The following CHST12 variants were observed in gnomAD, a reference collection of about 807,000 sequenced individuals.
CHST12 encodes carbohydrate sulfotransferase 12.
A neutral mutation model predicts 27.9 loss-of-function variants in CHST12; 23 were observed. The observed-to-expected ratio is 0.82, with a 90% CI of 0.59 to 1.17. The LOEUF (loss-of-function observed/expected upper bound fraction) is 1.17. Ranked by LOEUF, CHST12 falls within the 50% of genes most tolerant of loss-of-function variation. CHST12 has a pLI of 0.00. For missense variants in CHST12, 682 were observed against 603.0 expected (o/e 1.13, Z -1.37); for synonymous variants, 322 against 273.0 (o/e 1.18, Z -1.77).
intron 1 of CHST12, among the ~76,000 whole-genome samples, chr7:2,413,262 T>C (rs1781714195): frequency 6.6e-6 from 1 of 152,220 alleles, no homozygotes; most frequent in African/African-American, 2.4e-5. Context: ...TGCACTGGTG[T>C]TTTCTTCTGT....
chr7:2,420,171 C>G (rs1300228724), intron 1 of CHST12, among the ~76,000 whole-genome samples: 1 of 151,548 alleles, frequency 6.6e-6, no homozygotes, highest in African/African-American at 2.4e-5. Context: ...GACGGGGTTT[C>G]ACCGTGTTAG....
At chr7:2,423,610 C>T (rs974772375) in intron 1 of CHST12, among the ~76,000 whole-genome samples, 1 of 152,214 alleles carries the variant, frequency 6.6e-6, no homozygotes, top group Non-Finnish European at 1.5e-5. Flanking sequence ...TGCTGGGCTT[C>T]TCTGCCTCCA....
intron 1 of CHST12, among the ~76,000 whole-genome samples, chr7:2,405,852 T>G (rs1018333833): frequency 1.3e-5 from 2 of 152,134 alleles, no homozygotes; most frequent in Non-Finnish European, 2.9e-5. Context: ...GTGGCCATCC[T>G]GGAGGAGATG....
intron 1 of CHST12, among the ~76,000 whole-genome samples, chr7:2,416,974 G>T (rs537862631): frequency 6.6e-6 from 1 of 152,330 alleles, no homozygotes; most frequent in South Asian, 2.1e-4. Context: ...TTTCTTTTGC[G>T]TAACTTGGTT....
Position 2,435,084 on chromosome 7 carries a change from T to C in CHST12, c.*1200T>C, listed in dbSNP as rs879740072. 6.6e-6 allele frequency: 1 copy of C among 151,970 alleles called. No homozygotes were observed. Among genetic ancestry groups the C allele is most frequent in the Non-Finnish European group, 1.5e-5 (1 of 68,082 alleles). 9.4% of individuals were successfully genotyped at this position (151,970 alleles called of 1,614,324 possible). A position where few individuals can be genotyped will look rare whatever the true frequency, so the allele number is the denominator to read the frequency against. On this transcript the variant is annotated 3_prime_UTR_variant, in exon 2 of 2. Transcript: ENST00000618655. ...TAAGAAAATCAGCCGGACATGATGG[T>C]GCACACCTGTAATCCCAGCTACTCG... is the stretch of plus-strand genomic sequence containing the variant.
chr7:2,428,197 CTTTTT>C (rs113888480), intron 1 of CHST12, among the ~76,000 whole-genome samples: 1 of 131,384 alleles, frequency 7.6e-6, no homozygotes, highest in African/African-American at 2.8e-5. Context: ...TTCTCTCTCT[CTTTTT>C]TTTTTTTTTT....
Position 2,420,913 on chromosome 7 carries a change from G to GGAATACA in CHST12, c.-77-11648_-77-11642dup, listed in dbSNP as rs553808587. Among the ~76,000 whole-genome samples, 578 of 152,260 alleles carry GGAATACA rather than the reference G, an allele frequency of 3.8e-3. 2 individuals are homozygous for GGAATACA. Among genetic ancestry groups the GGAATACA allele is most frequent in the Non-Finnish European group, 6.7e-3 (455 of 68,018 alleles). ...GGAGTCTCACTGTGTCACCAAGTCT[G>GGAATACA]GAATACAGTGGTACAATCTCAGCTC... On this transcript the variant is annotated intron_variant, in intron 1 of 1. Coordinates refer to ENST00000618655, the MANE Select transcript of CHST12 (RefSeq NM_018641.5).
In CHST12 at chr7:2,434,699, A is replaced by C. The variant is rs1782430383; in HGVS notation, c.*815A>C. ...GAAAGATTGCTTGAACCCAGGAGGC[A>C]GAGGCTGCAGTGAGCTGAGATCGCG... On this transcript the variant is annotated 3_prime_UTR_variant, in exon 2 of 2. Coordinates refer to ENST00000618655, the MANE Select transcript of CHST12 (RefSeq NM_018641.5). 6.6e-6 allele frequency: 1 copy of C among 150,638 alleles called. No homozygotes were observed. The highest frequency in any genetic ancestry group is 1.5e-5 in the Non-Finnish European group (1 of 68,182). The allele number at this position is 150,638 out of a possible 1,614,324, so 9.3% of individuals were successfully genotyped here.
rs539826814 is a variant in CHST12 at position 2,437,766 on chromosome 7, A to C, written c.*3882A>C. On this transcript the variant is annotated 3_prime_UTR_variant, in exon 2 of 2. Transcript: ENST00000618655. ...CACACACACACACACTCTCTCTCAC[A>C]CACACATCGGGATATTTTTCTTGTT... is the stretch of plus-strand genomic sequence containing the variant. 6.6e-5 allele frequency: 10 copies of C among 152,378 alleles called. No homozygotes were observed. Among genetic ancestry groups the C allele is most frequent in the Admixed American group, 6.5e-4 (10 of 15,292 alleles). The allele number at this position is 152,378 out of a possible 1,614,324, so 9.4% of individuals were successfully genotyped here.
intron 1 of CHST12, among the ~76,000 whole-genome samples, chr7:2,418,975 A>G (rs1478199272): frequency 5.0e-5 from 5 of 99,422 alleles, no homozygotes. Context: ...TTTAAAAATT[A>G]TTTGTAGACA....
chr7:2,429,358 G>T (rs1363370318), intron 1 of CHST12, among the ~76,000 whole-genome samples: 1 of 152,008 alleles, frequency 6.6e-6, no homozygotes, highest in Non-Finnish European at 1.5e-5. Flanking sequence ...TTACAAGCGT[G>T]AGCCACGACG....
At position 2,432,836 on chromosome 7, in the gene CHST12, T is replaced by A. The variant is rs753905050; in HGVS notation, c.197T>A (p.Val66Asp). Reference sequence around the variant, plus strand: ...AGGGAGCTCACGGCCGACTCCGATGTCGACGAGTTTCTGGACAAGTTTCTC... The same window carrying A: ...AGGGAGCTCACGGCCGACTCCGATGACGACGAGTTTCTGGACAAGTTTCTC... The part of the protein sequence containing the change: ...RDRELTADSD[V>D]DEFLDKFLSA... Residue 66 changes from valine (V) to aspartate (D), a missense_variant, in exon 2 of 2, where the codon GTC becomes GAC. Physicochemically the swap from Val to Asp is radical, Grantham distance 152 (BLOSUM62 -3). Transcript: ENST00000618655. 3.7e-6 allele frequency: 6 copies of A among 1,613,698 alleles called. No individual in the cohort carries two copies. Among genetic ancestry groups the A allele is most frequent in the Non-Finnish European group, 5.1e-6 (6 of 1,179,888 alleles).
At chr7:2,412,250 C>G (rs921347109) in intron 1 of CHST12, among the ~76,000 whole-genome samples, 4 of 152,142 alleles carry the variant, frequency 2.6e-5, no homozygotes, top group African/African-American at 9.7e-5. Context: ...AACCATAGTC[C>G]TGGAGGTACC....
chr7:2,412,246 A>T (rs1236218641), intron 1 of CHST12, among the ~76,000 whole-genome samples: 1 of 152,226 alleles, frequency 6.6e-6, no homozygotes, highest in African/African-American at 2.4e-5. Context: ...AATAAACCAT[A>T]GTCCTGGAGG....
At position 2,438,806 on chromosome 7, in the gene CHST12, C is replaced by T. The variant is rs1005464687; in HGVS notation, c.*4922C>T. 4 of 152,284 alleles carry T rather than the reference C, an allele frequency of 2.6e-5. No homozygotes were observed. Among genetic ancestry groups the T allele is most frequent in the Admixed American group, 1.3e-4 (2 of 15,280 alleles). 9.4% of individuals were successfully genotyped at this position (152,284 alleles called of 1,614,324 possible). On this transcript the variant is annotated 3_prime_UTR_variant, in exon 2 of 2. Transcript: ENST00000618655. Reference sequence around the variant, plus strand: ...TGAGTCAGGCCTCCCTACCCAGGCCCAAGGGCAGATGCACCTGAGCCATTG... The same window carrying T: ...TGAGTCAGGCCTCCCTACCCAGGCCTAAGGGCAGATGCACCTGAGCCATTG...
intron 1 of CHST12, among the ~76,000 whole-genome samples, chr7:2,425,528 A>G (rs1466919189): frequency 1.3e-5 from 2 of 152,126 alleles, no homozygotes; most frequent in Non-Finnish European, 2.9e-5. Context: ...GCCTCTGGGG[A>G]TCCATGCCCT....
Position 2,408,515 on chromosome 7 carries a change from G to T in CHST12, c.-78+4842G>T, listed in dbSNP as rs545222421. Among the ~76,000 whole-genome samples, 4 of 152,262 alleles carry T rather than the reference G, an allele frequency of 2.6e-5. No homozygotes were observed. The South Asian group carries it at 6.2e-4, about 24-fold the overall frequency. On this transcript the variant is annotated intron_variant, in intron 1 of 1. Coordinates refer to ENST00000618655, the MANE Select transcript of CHST12 (RefSeq NM_018641.5). ...CAGAAGGTTAGAACATGTGGAAAAA[G>T]GCAGAAGAACTAACTACAATTAAAA...
rs1001435272 is a variant in CHST12, at chr7:2,433,654, G to C, written c.1015G>C (p.Val339Leu). The C allele has an allele frequency of 1.9e-6, 3 of 1,613,582 alleles. No homozygotes were observed. The highest frequency in any genetic ancestry group is 2.7e-5 in the African/African-American group (2 of 74,928). The stretch of plus-strand genomic sequence containing the variant: ...CCCGTGCCAGATCGACTACGACTTC[G>C]TGGGGAAGCTGGAGACTCTGGACGA... The part of the protein sequence containing the change: ...CHPCQIDYDF[V>L]GKLETLDEDA... The change falls in exon 2 of 2, where the codon GTG becomes CTG. Residue 339 changes from valine to leucine, a missense_variant. By Grantham distance (32) the Val-to-Leu change is conservative. Transcript: ENST00000618655. The surrounding 1 kb of genome is among the most constrained non-coding windows in gnomAD (Gnocchi z 6.1).
chr7:2,434,120 G>GCCCGCCCT lies in CHST12; in HGVS notation c.*241_*242insCCTCCCGC. On this transcript the variant is annotated 3_prime_UTR_variant, in exon 2 of 2. Transcript: ENST00000618655. ...CTCCCCTCCGCCCGCCCACCCGCCCGCCCGCTCGCCCGCTCGCCCGCTCCT... is the reference window on the plus strand; with the variant it reads ...CTCCCCTCCGCCCGCCCACCCGCCCGCCCGCCCTCCCGCTCGCCCGCTCGCCCGCTCCT... 1 of 317,110 alleles carries GCCCGCCCT rather than the reference G, an allele frequency of 3.2e-6. No individual in the cohort carries two copies. The allele number at this position is 317,110 out of a possible 1,614,324, so 19.6% of individuals were successfully genotyped here. A position where few individuals can be genotyped will look rare whatever the true frequency, so the allele number is the denominator to read the frequency against.
Sources: gnomAD v4.1 joint callset for allele counts (sites outside exome capture counted in the v4.1 genomes callset) on GRCh38, gnomAD v4.1.1 for gene constraint, Gnocchi (gnomAD v3.1) non-coding constraint, MANE v1.5 for transcripts, NCBI Gene and HGNC (gene_info 2026-07-23, HGNC 2026-07-21) for gene names.